The following ST3GAL1 variants were observed in gnomAD, a reference collection of about 807,000 sequenced individuals.
The protein encoded by ST3GAL1 is CMP-N-acetylneuraminate-beta-galactosamide-alpha-2,3-sialyltransferase 1.
In ST3GAL1, 16 loss-of-function variants were observed where a neutral mutation model predicts 34.1. That is an observed-to-expected ratio of 0.47 (90% CI 0.32 to 0.71). The LOEUF is 0.71. Among genes scored for constraint, ST3GAL1 ranks in the 30% least tolerant of loss-of-function variants. ST3GAL1 has a pLI of 0.04. For missense variants in ST3GAL1, 353 were observed against 447.4 expected (o/e 0.79, Z 1.90); for synonymous variants, 191 against 184.7 (o/e 1.03, Z -0.28).
intron 1 of ST3GAL1, among the ~76,000 whole-genome samples, chr8:133,548,200 C>T (rs1464469596): frequency 1.3e-5 from 2 of 152,190 alleles, no homozygotes; most frequent in East Asian, 3.9e-4. Flanking sequence ...AGCCTCCTAG[C>T]CAGTCTTAAA....
At position 133,489,332 on chromosome 8, in the gene ST3GAL1, G is replaced by A. The variant is rs180817167; in HGVS notation, c.-374+9803C>T. ...CAGCTGACAATGTGGTCTAAGCAATGAGTGCCCCAGGAGCTGTGCCCCACA... is the reference window on the plus strand; with the variant it reads ...CAGCTGACAATGTGGTCTAAGCAATAAGTGCCCCAGGAGCTGTGCCCCACA... On this transcript the variant is annotated intron_variant, in intron 3 of 9. Coordinates refer to ENST00000522652, the MANE Select transcript of ST3GAL1 (RefSeq NM_173344.3). 5.3e-3 allele frequency among the ~76,000 whole-genome samples: 800 copies of A among 152,238 alleles called. 4 individuals are homozygous for A. The highest frequency in any genetic ancestry group is 0.018 in the African/African-American group (762 of 41,532).
intron 1 of ST3GAL1, among the ~76,000 whole-genome samples, chr8:133,557,669 G>A (rs1350641654): frequency 6.6e-6 from 1 of 152,142 alleles, no homozygotes; most frequent in Non-Finnish European, 1.5e-5. Flanking sequence ...CCAACATGGT[G>A]AAACCCTGTC....
chr8:133,485,316 C>T (rs1201360566), intron 3 of ST3GAL1, among the ~76,000 whole-genome samples: 1 of 152,228 alleles, frequency 6.6e-6, no homozygotes, highest in Non-Finnish European at 1.5e-5. Flanking sequence ...GTAGAAGCTG[C>T]TGTGTAGCTG....
At chr8:133,540,087 C>T (rs745317330) in intron 2 of ST3GAL1, among the ~76,000 whole-genome samples, 1 of 152,092 alleles carries the variant, frequency 6.6e-6, no homozygotes, top group African/African-American at 2.4e-5. Flanking sequence ...GAAGCTCCCC[C>T]GCTCTTCATT....
At chr8:133,545,267 G>T (rs747798724) in intron 2 of ST3GAL1, among the ~76,000 whole-genome samples, 2 of 152,250 alleles carry the variant, frequency 1.3e-5, no homozygotes, top group Non-Finnish European at 2.9e-5. Context: ...CTATGGTAAT[G>T]ACTCAACTGG....
chr8:133,465,900 A>G lies in ST3GAL1; in HGVS notation c.497T>C (p.Val166Ala). ...GAGAGGGTCTGGCACTCACCTGAGG[A>G]CAAAGTCGTGACTGTCTATCTCAGG... ...YGPEIDSHDFVLRMNKAPTAG... is the reference protein window; with the variant it reads ...YGPEIDSHDFALRMNKAPTAG... The change falls in exon 6 of 10, where the codon GTC (valine) becomes GCC (alanine). Residue 166 changes from valine to alanine, a missense_variant. By Grantham distance (64) the Val-to-Ala change is moderately conservative. Transcript: ENST00000522652. 1 of 1,613,584 alleles carries G rather than the reference A, an allele frequency of 6.2e-7. No homozygotes were observed. The highest frequency in any genetic ancestry group is 8.5e-7 in the Non-Finnish European group (1 of 1,179,682).
At position 133,473,390 on chromosome 8, in the gene ST3GAL1, C is replaced by T. The variant is rs564707404; in HGVS notation, c.306+2329G>A. On this transcript the variant is annotated intron_variant, in intron 5 of 9. Coordinates refer to ENST00000522652, the MANE Select transcript of ST3GAL1 (RefSeq NM_173344.3). Reference sequence around the variant, plus strand: ...GAGGACAAAGGCCCCCAAGTTTCTCCTTTACCTGCTGTTGTGTAAGGTCCC... The same window carrying T: ...GAGGACAAAGGCCCCCAAGTTTCTCTTTTACCTGCTGTTGTGTAAGGTCCC... Among the ~76,000 whole-genome samples the T allele has an allele frequency of 2.6e-4, 39 of 152,278 alleles. No individual in the cohort carries two copies. In the South Asian group the frequency reaches 8.1e-3, roughly 32 times the overall value.
At chr8:133,483,641 T>C (rs986354769) in intron 3 of ST3GAL1, among the ~76,000 whole-genome samples, 1 of 152,232 alleles carries the variant, frequency 6.6e-6, no homozygotes, top group Non-Finnish European at 1.5e-5. Flanking sequence ...TTTGTGTGAA[T>C]TCCTTGATGT....
intron 1 of ST3GAL1, among the ~76,000 whole-genome samples, chr8:133,547,200 T>C (rs539100496): frequency 1.3e-5 from 2 of 152,162 alleles, no homozygotes; most frequent in East Asian, 3.9e-4. Context: ...AATGGCACCA[T>C]AGCAAAGGTG....
intron 2 of ST3GAL1, among the ~76,000 whole-genome samples, chr8:133,514,138 A>G (rs77483106): frequency 0.037 from 5,645 of 152,280 alleles, 106 homozygotes; most frequent in African/African-American, 0.054. Context: ...AAATGCACAC[A>G]ACCAATAGGC....
At position 133,469,557 on chromosome 8, in the gene ST3GAL1, A is replaced by G. The variant is rs1034964020; in HGVS notation, c.307-3467T>C. 2.0e-5 allele frequency among the ~76,000 whole-genome samples: 3 copies of G among 152,216 alleles called. No individual in the cohort carries two copies. The highest frequency in any genetic ancestry group is 4.4e-5 in the Non-Finnish European group (3 of 68,032). On this transcript the variant is annotated intron_variant, in intron 5 of 9. Coordinates refer to ENST00000522652, the MANE Select transcript of ST3GAL1 (RefSeq NM_173344.3). The surrounding 1 kb of genome is among the most constrained non-coding windows in gnomAD (Gnocchi z 4.3). ...AAACTTATTAGAAAGGAAACCTCTC[A>G]TCTCTACCACACGTAGAAAGCAAGA...
rs1250782090 is a variant in ST3GAL1 at position 133,499,189 on chromosome 8, T to C, written c.-428A>G. ...ACCTCTCTGAACCTCAGTTTCTTCA[T>C]CTGAAAAACAGAAGAAAATACTCGG... On this transcript the variant is annotated splice_region_variant and 5_prime_UTR_variant, in exon 3 of 10. It removes an upstream start codon present in the reference 5' UTR. Coordinates refer to ENST00000522652, the MANE Select transcript of ST3GAL1 (RefSeq NM_173344.3). The C allele has an allele frequency of 6.6e-6, 1 of 152,296 alleles. No homozygotes were observed. Among genetic ancestry groups the C allele is most frequent in the African/African-American group, 2.4e-5 (1 of 41,448 alleles). 9.4% of individuals were successfully genotyped at this position (152,296 alleles called of 1,614,324 possible). A position where few individuals can be genotyped will look rare whatever the true frequency, so the allele number is the denominator to read the frequency against.
chr8:133,552,648 T>C (rs989462447), intron 1 of ST3GAL1, among the ~76,000 whole-genome samples: 1 of 152,092 alleles, frequency 6.6e-6, no homozygotes, highest in Non-Finnish European at 1.5e-5. Flanking sequence ...GAGAAGAACT[T>C]TGGGCAGGAA....
At chr8:133,497,560 C>T (rs970861321) in intron 3 of ST3GAL1, among the ~76,000 whole-genome samples, 4 of 148,586 alleles carry the variant, frequency 2.7e-5, no homozygotes, top group Non-Finnish European at 5.9e-5. Context: ...AACCTCCGTG[C>T]CTCCTGGGTT....
rs377654163 is a variant in ST3GAL1, at chr8:133,499,774, C to T, written c.-428-585G>A. Among the ~76,000 whole-genome samples the T allele has an allele frequency of 4.6e-5, 7 of 152,254 alleles. No individual in the cohort carries two copies. The East Asian group carries it at 5.8e-4, about 13-fold the overall frequency. On this transcript the variant is annotated intron_variant, in intron 2 of 9. Coordinates refer to ENST00000522652, the MANE Select transcript of ST3GAL1 (RefSeq NM_173344.3). ...ACCGAAGCTCGGAGGTCGAGCAGCT[C>T]GGCGTACTAAGGGGAGCAAGGGCAG...
chr8:133,544,636 C>T (rs148440234), intron 2 of ST3GAL1, among the ~76,000 whole-genome samples: 30 of 152,294 alleles, frequency 2.0e-4, no homozygotes, highest in African/African-American at 3.9e-4. Flanking sequence ...AGGCCTCACA[C>T]GGCCCCTGAC....
chr8:133,459,525 G>A lies in ST3GAL1; in HGVS notation c.*239C>T, dbSNP rs190331844. The A allele has an allele frequency of 1.9e-3, 766 of 413,454 alleles. 4 individuals carry two copies. Among genetic ancestry groups the A allele is most frequent in the African/African-American group, 0.014 (683 of 48,800 alleles). The allele number at this position is 413,454 out of a possible 1,614,324, so 25.6% of individuals were successfully genotyped here. A position where few individuals can be genotyped will look rare whatever the true frequency, so the allele number is the denominator to read the frequency against. ...GCGTCTCCCCAGCTCTAGGGCAGCAGTGGGGGGACGTTGTCCCCACTCAAG... is the reference window on the plus strand; with the variant it reads ...GCGTCTCCCCAGCTCTAGGGCAGCAATGGGGGGACGTTGTCCCCACTCAAG... On this transcript the variant is annotated 3_prime_UTR_variant, in exon 10 of 10. Transcript: ENST00000522652. This position sits in a 1 kb window ranked among gnomAD's most constrained non-coding sequence, Gnocchi z 4.7.
At chr8:133,535,686 G>A (rs754970497) in intron 2 of ST3GAL1, among the ~76,000 whole-genome samples, 1 of 151,992 alleles carries the variant, frequency 6.6e-6, no homozygotes, top group Non-Finnish European at 1.5e-5. Flanking sequence ...GGTGAATCTC[G>A]CTATGTTGCC....
chr8:133,515,918 C>T (rs969995854), intron 2 of ST3GAL1, among the ~76,000 whole-genome samples: 3 of 152,030 alleles, frequency 2.0e-5, no homozygotes, highest in Admixed American at 1.3e-4. Context: ...TGCAGTGGTG[C>T]GATCTCGGCT....
Sources: gnomAD v4.1 joint callset for allele counts (sites outside exome capture counted in the v4.1 genomes callset) on GRCh38, gnomAD v4.1.1 for gene constraint, Gnocchi (gnomAD v3.1) non-coding constraint, MANE v1.5 for transcripts, NCBI Gene and HGNC (gene_info 2026-07-23, HGNC 2026-07-21) for gene names.